The following MDN1 variants were observed in gnomAD, a reference collection of about 807,000 sequenced individuals.
MDN1 encodes midasin.
In MDN1, 266 loss-of-function variants were observed where a neutral mutation model predicts 669.2. The ratio of observed to expected loss-of-function variants is 0.40; its 90% CI spans 0.36 to 0.44. MDN1 has a LOEUF of 0.44. Among genes scored for constraint, MDN1 ranks in the 20% least tolerant of loss-of-function variants. The pLI is 1.00. For missense variants in MDN1, 5,940 were observed against 6,754.0 expected, an observed-to-expected ratio of 0.88 and a Z score of 4.22; for synonymous variants, 2,385 against 2,457.1, an observed-to-expected ratio of 0.97 and a Z score of 0.87.
In MDN1 at chr6:89,802,407, G is replaced by A. The variant is rs540770360; in HGVS notation, c.329+921C>T. ...GGATATAAGAAATGTTCTGTTGGCC[G>A]GGCACAGTGGCTCACGCCTGTAATC... On this transcript the variant is annotated intron_variant, in intron 2 of 101. Transcript: ENST00000369393. 4.6e-5 allele frequency among the ~76,000 whole-genome samples: 7 copies of A among 152,308 alleles called. No homozygotes were observed. In the South Asian group the frequency reaches 8.3e-4, roughly 18 times the overall value.
intron 50 of MDN1, among the ~76,000 whole-genome samples, chr6:89,709,815 T>A (rs535180351): frequency 6.6e-6 from 1 of 152,184 alleles, no homozygotes; most frequent in South Asian, 2.1e-4. Flanking sequence ...ACTCCTTATT[T>A]AAAAAAAATT....
intron 52 of MDN1, among the ~76,000 whole-genome samples, chr6:89,706,784 A>C (rs1045055373): frequency 6.6e-6 from 1 of 152,204 alleles, no homozygotes; most frequent in East Asian, 1.9e-4. Context: ...TATAAAATGA[A>C]AACTAAGTAC....
At chr6:89,696,970 G>A (rs2128308902) in intron 59 of MDN1, among the ~76,000 whole-genome samples, 1 of 152,338 alleles carries the variant, frequency 6.6e-6, no homozygotes, top group Middle Eastern at 3.4e-3. Context: ...ATGGGACACA[G>A]TAATAGCTGT....
chr6:89,715,805 C>T (rs1254599442), intron 44 of MDN1, 36 bp from the exon 45 acceptor site: 1 of 1,355,296 alleles, frequency 7.4e-7, no homozygotes, highest in Admixed American at 1.7e-5. Context: ...GATAGGCTGA[C>T]ATGCTGCATT....
At chr6:89,726,989 A>G (rs1815277438) in intron 37 of MDN1, among the ~76,000 whole-genome samples, 1 of 152,200 alleles carries the variant, frequency 6.6e-6, no homozygotes, top group African/African-American at 2.4e-5. Flanking sequence ...ATGCAATTCC[A>G]CTAAATACTA....
chr6:89,688,929 G>A, intron 65 of MDN1, 121 bp from the exon 66 acceptor site: 1 of 784,154 alleles, frequency 1.3e-6, no homozygotes, highest in Non-Finnish European at 2.1e-6. Flanking sequence ...CAGCACTTTG[G>A]GGAGCCGAGG....
intron 5 of MDN1, among the ~76,000 whole-genome samples, chr6:89,791,969 G>C (rs192314983): frequency 0.015 from 2,190 of 143,590 alleles, 33 homozygotes; most frequent in Non-Finnish European, 0.021. Context: ...CCGGGTTCAA[G>C]CCATTCTCCT....
At chr6:89,701,859 T>C in intron 54 of MDN1, 45 bp downstream of exon 54, 1 of 1,577,744 alleles carries the variant, frequency 6.3e-7, no homozygotes, top group South Asian at 1.2e-5. Flanking sequence ...ATCCTTAACA[T>C]CTATCTGTAA....
At chr6:89,675,672 G>A in intron 77 of MDN1, 93 bp from the exon 78 acceptor site, 2 of 985,958 alleles carry the variant, frequency 2.0e-6, no homozygotes, top group East Asian at 4.8e-5. Flanking sequence ...ATAAGCGTCA[G>A]ACATGCCACA....
chr6:89,662,706 AAG>A (rs1809886596), intron 86 of MDN1, 84 bp downstream of exon 86: 2 of 1,390,536 alleles, frequency 1.4e-6, no homozygotes, highest in Middle Eastern at 1.8e-4. Flanking sequence ...ACAGAAAAAG[AAG>A]AGAAGTAAAT....
intron 70 of MDN1, 48 bp from the exon 71 acceptor site, chr6:89,685,033 C>T: frequency 7.8e-7 from 1 of 1,288,176 alleles, no homozygotes; most frequent in African/African-American, 1.5e-5. Flanking sequence ...GCTGCATGTG[C>T]TACTGGTGCC....
At chr6:89,791,377 C>A (rs1383773468) in intron 5 of MDN1, among the ~76,000 whole-genome samples, 4 of 151,804 alleles carry the variant, frequency 2.6e-5, no homozygotes, top group Admixed American at 2.6e-4. Context: ...GGTATAATAA[C>A]AATAGCAGGG....
chr6:89,705,483 A>G (rs946166048), intron 53 of MDN1, among the ~76,000 whole-genome samples: 7 of 152,248 alleles, frequency 4.6e-5, no homozygotes, highest in South Asian at 2.1e-4. Context: ...GGATTAAAAT[A>G]TAACTGTTAC....
chr6:89,769,218 G>C (rs920570505), intron 15 of MDN1, among the ~76,000 whole-genome samples: 1 of 152,148 alleles, frequency 6.6e-6, no homozygotes, highest in Admixed American at 6.5e-5. Context: ...ACCCACAGCT[G>C]AATTTTGTTC....
intron 39 of MDN1, 92 bp downstream of exon 39, chr6:89,723,420 G>C (rs1814975394): frequency 1.2e-6 from 1 of 833,576 alleles, no homozygotes; most frequent in Non-Finnish European, 1.8e-6. Flanking sequence ...TTTAGTTAGA[G>C]ATCCTGATAA....
chr6:89,665,198 T>G (rs1810100212), intron 84 of MDN1, among the ~76,000 whole-genome samples: 1 of 152,094 alleles, frequency 6.6e-6, no homozygotes, highest in Non-Finnish European at 1.5e-5. Flanking sequence ...TGGCTAATTT[T>G]TTATTTTTTG....
At chr6:89,731,477 G>A (rs1815588731) in intron 34 of MDN1, among the ~76,000 whole-genome samples, 1 of 152,118 alleles carries the variant, frequency 6.6e-6, no homozygotes, top group Non-Finnish European at 1.5e-5. Flanking sequence ...GATGAGGCTG[G>A]AAACCATCAT....
intron 43 of MDN1, among the ~76,000 whole-genome samples, chr6:89,717,942 T>C (rs904094997): frequency 6.6e-6 from 1 of 152,168 alleles, no homozygotes; most frequent in Non-Finnish European, 1.5e-5. Flanking sequence ...GAAATTTCCA[T>C]GTTAATTGGA....
At chr6:89,818,270 G>C (rs1441991633) in intron 1 of MDN1, among the ~76,000 whole-genome samples, 1 of 146,040 alleles carries the variant, frequency 6.8e-6, no homozygotes, top group African/African-American at 2.6e-5. Context: ...AGTGAGCTGA[G>C]AGGGTGGGCC....
Sources: gnomAD v4.1 joint callset for allele counts (sites outside exome capture counted in the v4.1 genomes callset) on GRCh38, gnomAD v4.1.1 for gene constraint, MANE v1.5 for transcripts, NCBI Gene and HGNC (gene_info 2026-07-23, HGNC 2026-07-21) for gene names.